AMD1: variants seen among roughly 807,000 people sequenced by gnomAD.
AMD1 encodes adenosylmethionine decarboxylase 1.
Under a neutral mutation model 40.2 loss-of-function variants are expected in AMD1, and 11 were observed. The ratio of observed to expected loss-of-function variants is 0.27; its 90% CI spans 0.17 to 0.45. The LOEUF is 0.45. Among genes scored for constraint, AMD1 ranks in the 20% least tolerant of loss-of-function variants. The pLI is 1.00. For missense variants in AMD1, 257 were observed against 410.2 expected (o/e 0.63, Z 3.23); for synonymous variants, 121 against 130.8 (o/e 0.93, Z 0.51).
the AMD1 span, among the ~76,000 whole-genome samples, chr6:110,838,487 A>G: frequency 6.6e-6 from 1 of 152,024 alleles, no homozygotes. Flanking sequence ...AAACAAATCA[A>G]CCTCTTTTCC....
Position 110,893,560 on chromosome 6 carries a change from G to C in AMD1, c.949G>C (p.Asp317His), listed in dbSNP as rs201162494. 6.2e-7 allele frequency: 1 copy of C among 1,614,020 alleles called. No homozygotes were observed. ...TGATTGCCAGAGTGCTATGTTCAAT[G>C]ATTACAATTTTGTTTTTACCAGTTT... ...RLDCQSAMFN[D>H]YNFVFTSFAK... The change falls in exon 9 of 9, where the codon GAT (aspartate) becomes CAT (histidine). Residue 317 changes from aspartate (D) to histidine (H), a missense_variant. By Grantham distance (81) the Asp-to-His change is moderately conservative (BLOSUM62 -1). Coordinates refer to ENST00000368885, the MANE Select transcript of AMD1 (RefSeq NM_001634.6).
At chr6:110,839,376 C>T in the AMD1 span, among the ~76,000 whole-genome samples, 1 of 152,222 alleles carries the variant, frequency 6.6e-6, no homozygotes, top group African/African-American at 2.4e-5. Context: ...TCTTTACTCT[C>T]ATACCACAAT....
chr6:110,868,621 T>C, the AMD1 span, among the ~76,000 whole-genome samples: 1 of 152,224 alleles, frequency 6.6e-6, no homozygotes, highest in Non-Finnish European at 1.5e-5. Context: ...GTACTGAACA[T>C]TGAGGAGAGT....
chr6:110,839,673 AT>A, the AMD1 span, among the ~76,000 whole-genome samples: 1 of 152,168 alleles, frequency 6.6e-6, no homozygotes, highest in Admixed American at 6.6e-5. Flanking sequence ...TCTATCCAGT[AT>A]TTTAATTTTC....
chr6:110,871,896 A>G (rs189818990), upstream of AMD1, among the ~76,000 whole-genome samples: 3 of 152,290 alleles, frequency 2.0e-5, no homozygotes, highest in Admixed American at 2.0e-4. Flanking sequence ...ACCTAGGGAG[A>G]AAATGTATGT....
the AMD1 span, among the ~76,000 whole-genome samples, chr6:110,869,163 C>T: frequency 1.3e-5 from 2 of 151,890 alleles, no homozygotes; most frequent in African/African-American, 4.8e-5. Context: ...CGGAGTCTCT[C>T]TCTGTAGCCC....
At chr6:110,889,126 A>C in intron 3 of AMD1, 143 bp downstream of exon 3, 1 of 883,276 alleles carries the variant, frequency 1.1e-6, no homozygotes, top group Non-Finnish European at 1.6e-6. Context: ...TACCTTAGGA[A>C]GAGATCTGAT....
chr6:110,864,651 C>G, the AMD1 span, among the ~76,000 whole-genome samples: 2 of 152,052 alleles, frequency 1.3e-5, no homozygotes, highest in Non-Finnish European at 2.9e-5. Context: ...GGGGTCGGAC[C>G]CCAACAATAG....
chr6:110,883,086 T>C (rs181307935), intron 1 of AMD1, among the ~76,000 whole-genome samples: 97 of 152,290 alleles, frequency 6.4e-4, no homozygotes, highest in African/African-American at 2.2e-3. Context: ...GATTGTGCCA[T>C]TGTTCTCCAG....
At chr6:110,848,142 T>C in the AMD1 span, among the ~76,000 whole-genome samples, 3 of 152,098 alleles carry the variant, frequency 2.0e-5, no homozygotes, top group Admixed American at 6.5e-5. Context: ...ATATGAGCTG[T>C]GTTTGTTTGG....
At chr6:110,853,161 C>T in the AMD1 span, among the ~76,000 whole-genome samples, 7 of 151,434 alleles carry the variant, frequency 4.6e-5, no homozygotes, top group Non-Finnish European at 1.0e-4. Context: ...CTCACTCTGT[C>T]ACTCCGGCTG....
intron 6 of AMD1, 23 bp from the exon 7 acceptor site, chr6:110,892,712 A>G: frequency 6.5e-7 from 1 of 1,536,068 alleles, no homozygotes; most frequent in Non-Finnish European, 8.7e-7. Context: ...CCCTTGTTAA[A>G]CTCGGTCTTT....
At chr6:110,859,095 CG>C in the AMD1 span, 1 of 1,321,502 alleles carries the variant, frequency 7.6e-7, no homozygotes, top group Non-Finnish European at 1.1e-6. Context: ...CGCGCAGGCT[CG>C]GGGGAGGTCC....
chr6:110,887,132 C>CTTTT (rs78833445), intron 1 of AMD1, among the ~76,000 whole-genome samples: 98 of 151,104 alleles, frequency 6.5e-4, no homozygotes, highest in African/African-American at 2.3e-3. Flanking sequence ...TTATGCTCTT[C>CTTTT]TTTTTTTTTA....
chr6:110,843,765 T>A, the AMD1 span, among the ~76,000 whole-genome samples: 2 of 151,964 alleles, frequency 1.3e-5, no homozygotes, highest in Non-Finnish European at 2.9e-5. Flanking sequence ...TTTGTAGTTT[T>A]TTTTGTACCG....
At position 110,894,235 on chromosome 6, in the gene AMD1, AC is replaced by A. The variant is rs1786187113; in HGVS notation, c.*622del. 1 of 152,856 alleles carries A rather than the reference AC, an allele frequency of 6.5e-6. No homozygotes were observed. Among genetic ancestry groups the A allele is most frequent in the Non-Finnish European group, 1.5e-5 (1 of 68,248 alleles). The allele number at this position is 152,856 out of a possible 1,614,324, so 9.5% of individuals were successfully genotyped here. ...ATATTTGCTATTTTAACATTATTGG[AC>A]CCTGCATTTATAGTCCTTTGATTTC... On this transcript the variant is annotated 3_prime_UTR_variant, in exon 9 of 9. Transcript: ENST00000368885.
At chr6:110,823,777 G>GA in the AMD1 span, among the ~76,000 whole-genome samples, 2 of 151,812 alleles carry the variant, frequency 1.3e-5, no homozygotes, top group Non-Finnish European at 2.9e-5. Context: ...TACAATATCT[G>GA]AAAAAAATAA....
the AMD1 span, among the ~76,000 whole-genome samples, chr6:110,857,049 A>T: frequency 2.6e-5 from 4 of 151,972 alleles, no homozygotes; most frequent in South Asian, 8.3e-4. Flanking sequence ...CTGTAATCCC[A>T]GCTACTCGGG....
the AMD1 span, among the ~76,000 whole-genome samples, chr6:110,830,890 C>G: frequency 1.3e-5 from 2 of 152,134 alleles, no homozygotes; most frequent in Admixed American, 6.6e-5. Flanking sequence ...GCTGGGAGTA[C>G]AGGCACATAC....
Sources: allele counts gnomAD v4.1 joint callset (sites outside exome capture counted in the v4.1 genomes callset), GRCh38; gene constraint gnomAD v4.1.1; transcripts MANE v1.5; gene names NCBI Gene and HGNC (gene_info 2026-07-23, HGNC 2026-07-21).